The following NR5A2 variants were observed in gnomAD, a reference collection of about 807,000 sequenced individuals.
The protein encoded by NR5A2 is nuclear receptor subfamily 5 group A member 2.
NR5A2 carries 26 observed loss-of-function variants against 62.7 expected under a neutral mutation model. That is an observed-to-expected ratio of 0.41 (90% CI 0.30 to 0.58). The LOEUF (loss-of-function observed/expected upper bound fraction) is 0.58. Among genes scored for constraint, NR5A2 ranks in the 20% least tolerant of loss-of-function variants. The pLI is 0.22. For missense variants in NR5A2, 541 were observed against 669.1 expected (o/e 0.81, Z 2.11); for synonymous variants, 246 against 241.7 (o/e 1.02, Z -0.16).
chr1:200,075,262 A>G (rs1663972827), intron 5 of NR5A2, among the ~76,000 whole-genome samples: 1 of 152,220 alleles, frequency 6.6e-6, no homozygotes, highest in Non-Finnish European at 1.5e-5. Context: ...TGCATATCCC[A>G]CTGAACATTT....
intron 5 of NR5A2, 30 bp from the exon 6 acceptor site, chr1:200,111,172 T>C (rs777021891): frequency 6.3e-7 from 1 of 1,596,096 alleles, no homozygotes; most frequent in Non-Finnish European, 8.5e-7. Context: ...TTTTGTTTTT[T>C]TTGTTTGTTT....
At chr1:200,038,715 C>T (rs113640653) in intron 1 of NR5A2, 13 of 1,366,236 alleles carry the variant, frequency 9.5e-6, no homozygotes, top group Non-Finnish European at 1.1e-5. Context: ...AGGAAATTGC[C>T]GCTCTGGCTG....
At chr1:200,151,587 A>G (rs187959152) in intron 7 of NR5A2, among the ~76,000 whole-genome samples, 1 of 152,216 alleles carries the variant, frequency 6.6e-6, no homozygotes, top group African/African-American at 2.4e-5. Flanking sequence ...CTATAGAAAA[A>G]TTATAAAATA....
rs975203549 is a variant in NR5A2 at position 200,080,518 on chromosome 1, G to A, written c.1111-30684G>A. On this transcript the variant is annotated intron_variant, in intron 5 of 7. Transcript: ENST00000367362. ...AGAGAGAATGCTTATTTTATGGCAA[G>A]CATTAAGGAAAAATGAGCTCTGTAA... is the stretch of plus-strand genomic sequence containing the variant. 3.3e-5 allele frequency among the ~76,000 whole-genome samples: 5 copies of A among 152,114 alleles called. No individual in the cohort carries two copies. The South Asian group carries it at 1.0e-3, about 31-fold the overall frequency.
chr1:200,159,952 C>T (rs1653566738), intron 7 of NR5A2, among the ~76,000 whole-genome samples: 1 of 152,184 alleles, frequency 6.6e-6, no homozygotes, highest in Non-Finnish European at 1.5e-5. Flanking sequence ...CATGCCTGGT[C>T]TGAGAAGATT....
At chr1:200,103,102 G>T (rs945077624) in intron 5 of NR5A2, among the ~76,000 whole-genome samples, 2 of 147,236 alleles carry the variant, frequency 1.4e-5, no homozygotes, top group African/African-American at 5.0e-5. Flanking sequence ...AAGATTAAAT[G>T]AGTTCATGCA....
chr1:200,120,498 T>G (rs1281285245), intron 6 of NR5A2, among the ~76,000 whole-genome samples: 1 of 152,258 alleles, frequency 6.6e-6, no homozygotes, highest in Non-Finnish European at 1.5e-5. Flanking sequence ...ATAGTAATTC[T>G]GATGCATTTT....
chr1:200,151,440 A>C (rs975784737), intron 7 of NR5A2, among the ~76,000 whole-genome samples: 1 of 152,212 alleles, frequency 6.6e-6, no homozygotes, highest in African/African-American at 2.4e-5. Context: ...GCTACAGAAA[A>C]ATCAATAGCG....
intron 5 of NR5A2, among the ~76,000 whole-genome samples, chr1:200,079,893 T>C (rs992466714): frequency 2.6e-5 from 4 of 151,858 alleles, no homozygotes; most frequent in Non-Finnish European, 5.9e-5. Flanking sequence ...GTGAAAGGGA[T>C]GTTAGGAATC....
Position 200,159,048 on chromosome 1 carries a change from A to AT in NR5A2, c.1379-14904dup, listed in dbSNP as rs56931686. Among the ~76,000 whole-genome samples, 1,463 of 146,808 alleles carry AT rather than the reference A, an allele frequency of 1.0e-2. 10 individuals are homozygous for AT. The highest frequency in any genetic ancestry group is 0.032 in the Middle Eastern group (9 of 282). Reference sequence around the variant, plus strand: ...AAGCTGCATGCCACCACACCCAGCTATTTTTTTTTTTAATTTTTAAATTTT... The same window carrying AT: ...AAGCTGCATGCCACCACACCCAGCTATTTTTTTTTTTTAATTTTTAAATTTT... On this transcript the variant is annotated intron_variant, in intron 7 of 7. Transcript: ENST00000367362.
At chr1:200,031,211 C>T (rs1358950845) in intron 1 of NR5A2, among the ~76,000 whole-genome samples, 1 of 150,106 alleles carries the variant, frequency 6.7e-6, no homozygotes, top group African/African-American at 2.5e-5. Flanking sequence ...CCAGAGTTAA[C>T]AGAGTTCTTG....
At chr1:200,158,860 T>C (rs1653502652) in intron 7 of NR5A2, among the ~76,000 whole-genome samples, 1 of 151,984 alleles carries the variant, frequency 6.6e-6, no homozygotes, top group Non-Finnish European at 1.5e-5. Flanking sequence ...CCCTATCCTA[T>C]TCTGCATTCT....
intron 5 of NR5A2, among the ~76,000 whole-genome samples, chr1:200,095,161 G>T (rs1315456732): frequency 6.6e-6 from 1 of 151,548 alleles, no homozygotes; most frequent in Admixed American, 6.6e-5. Context: ...CTGTTTCCCG[G>T]GCTGGAGTGC....
Position 200,039,665 on chromosome 1 carries a change from G to T in NR5A2, c.72G>T (p.Gly24=). 6.2e-7 allele frequency: 1 copy of T among 1,611,800 alleles called. No homozygotes were observed. Among genetic ancestry groups the T allele is most frequent in the Non-Finnish European group, 8.5e-7 (1 of 1,179,112 alleles). The change falls in exon 2 of 8, where the codon GGG becomes GGT. Residue 24 remains glycine, a synonymous_variant. Coordinates refer to ENST00000367362, the MANE Select transcript of NR5A2 (RefSeq NM_205860.3). The surrounding 1 kb of genome is among the most constrained non-coding windows in gnomAD (Gnocchi z 5.1). ...TGTGCTGCCCGTGTCCAGGTGCTGG[G>T]CTTCCGGACCGACACGGATCCCCCA... ...LKHGLTPIGA[G]LPDRHGSPIP... is the part of the protein sequence containing the mutation.
intron 5 of NR5A2, among the ~76,000 whole-genome samples, chr1:200,089,223 T>C (rs1027126799): frequency 6.6e-5 from 10 of 152,184 alleles, no homozygotes; most frequent in Admixed American, 2.0e-4. Flanking sequence ...TTTTGTTTGT[T>C]TTGTTTTTTG....
chr1:200,158,116 C>T (rs1267220026), intron 7 of NR5A2, among the ~76,000 whole-genome samples: 2 of 152,138 alleles, frequency 1.3e-5, no homozygotes, highest in Admixed American at 6.5e-5. Flanking sequence ...TTCAACTTGG[C>T]AACAAAAAGC....
chr1:200,175,751 A>G lies in NR5A2; in HGVS notation c.*1541A>G, dbSNP rs1239849765. ...ATTTTTAACAGTACTTAATTATTCT[A>G]TGTCGTGAGACACTAAAATCAAAAA... On this transcript the variant is annotated 3_prime_UTR_variant, in exon 8 of 8. Transcript: ENST00000367362. 2.0e-5 allele frequency: 3 copies of G among 152,526 alleles called. No individual in the cohort carries two copies. Among genetic ancestry groups the G allele is most frequent in the East Asian group, 1.9e-4 (1 of 5,202 alleles). 9.4% of individuals were successfully genotyped at this position (152,526 alleles called of 1,614,324 possible). A position where few individuals can be genotyped will look rare whatever the true frequency, so the allele number is the denominator to read the frequency against.
chr1:200,083,625 A>G (rs1052764205), intron 5 of NR5A2, among the ~76,000 whole-genome samples: 1 of 150,738 alleles, frequency 6.6e-6, no homozygotes, highest in African/African-American at 2.5e-5. Flanking sequence ...CAGTTGAAGT[A>G]TATATATATA....
chr1:200,128,602 C>A (rs12063829), intron 7 of NR5A2, among the ~76,000 whole-genome samples: 32 of 152,204 alleles, frequency 2.1e-4, no homozygotes, highest in African/African-American at 7.5e-4. Flanking sequence ...AATAGTCATT[C>A]TTTTCCCCTC....
Sources: gnomAD v4.1 joint callset for allele counts (sites outside exome capture counted in the v4.1 genomes callset) on GRCh38, gnomAD v4.1.1 for gene constraint, Gnocchi (gnomAD v3.1) non-coding constraint, MANE v1.5 for transcripts, NCBI Gene and HGNC (gene_info 2026-07-23, HGNC 2026-07-21) for gene names.